CNTN4: variants seen among roughly 807,000 people sequenced by gnomAD.
CNTN4 encodes the protein contactin-4.
A neutral mutation model predicts 122.5 loss-of-function variants in CNTN4; 77 were observed. The ratio of observed to expected loss-of-function variants is 0.63; its 90% CI spans 0.52 to 0.76. The LOEUF is 0.76. CNTN4 is among the 30% of genes least tolerant of loss of function. The pLI is 0.00. For synonymous variants in CNTN4, 512 were observed against 447.0 expected (o/e 1.15, Z -1.83); for missense variants, 1,256 against 1,259.1 (o/e 1.00, Z 0.04).
intron 13 of CNTN4, among the ~76,000 whole-genome samples, chr3:2,945,724 A>G (rs1437115201): frequency 1.3e-5 from 2 of 152,184 alleles, no homozygotes; most frequent in Non-Finnish European, 2.9e-5. Flanking sequence ...TTTATGCAAG[A>G]GGGTCAGTGT....
rs145302434 is a variant in CNTN4, at chr3:2,778,448, C to G, written c.358+32751C>G. On this transcript the variant is annotated intron_variant, in intron 6 of 24. Coordinates refer to ENST00000418658, the MANE Select transcript of CNTN4 (RefSeq NM_175607.3). ...AAAGCAAGTTCTCACCAGAAAATCA[C>G]CTAAGCTCTAAGACCCAAAGCCACT... Among the ~76,000 whole-genome samples, 222 of 145,260 alleles carry G rather than the reference C, an allele frequency of 1.5e-3. 3 individuals are homozygous for G. The East Asian group carries it at 0.038, about 25-fold the overall frequency.
At chr3:2,121,270 C>A (rs757839126) in intron 2 of CNTN4, among the ~76,000 whole-genome samples, 1 of 152,032 alleles carries the variant, frequency 6.6e-6, no homozygotes, top group Non-Finnish European at 1.5e-5. Context: ...GAGGCCGAGG[C>A]GGGCAGATCA....
Position 2,817,877 on chromosome 3 carries a change from C to T in CNTN4, c.359-1609C>T, listed in dbSNP as rs539874967. ...CAGTTTTTAAAATCCTGGTTTAATTCCTTTTGAAGGAATCTCAGACCATTT... is the reference window on the plus strand; with the variant it reads ...CAGTTTTTAAAATCCTGGTTTAATTTCTTTTGAAGGAATCTCAGACCATTT... On this transcript the variant is annotated intron_variant, in intron 6 of 24. Coordinates refer to ENST00000418658, the MANE Select transcript of CNTN4 (RefSeq NM_175607.3). 6.6e-5 allele frequency among the ~76,000 whole-genome samples: 10 copies of T among 152,248 alleles called. No individual in the cohort carries two copies. The South Asian group carries it at 2.1e-3, about 32-fold the overall frequency.
intron 3 of CNTN4, among the ~76,000 whole-genome samples, chr3:2,421,329 T>A (rs1027106614): frequency 6.6e-6 from 1 of 151,112 alleles, no homozygotes; most frequent in African/African-American, 2.4e-5. Context: ...CTCAGCTCAG[T>A]GCAACCTCTA....
rs145420298 is a variant in CNTN4, at chr3:2,184,094, C to T, written c.-145+83455C>T. On this transcript the variant is annotated intron_variant, in intron 2 of 24. Coordinates refer to ENST00000418658, the MANE Select transcript of CNTN4 (RefSeq NM_175607.3). ...TCAAGAGATCCTCCTGCCTCAGCTT[C>T]CTGAGTAGCTGGGACCACTATCACA... is the stretch of plus-strand genomic sequence containing the variant. Among the ~76,000 whole-genome samples, 239 of 152,208 alleles carry T rather than the reference C, an allele frequency of 1.6e-3. 1 individual carries two copies. The highest frequency in any genetic ancestry group is 5.5e-3 in the African/African-American group (228 of 41,516).
chr3:2,697,222 C>G (rs1490042129), intron 4 of CNTN4, among the ~76,000 whole-genome samples: 1 of 152,186 alleles, frequency 6.6e-6, no homozygotes, highest in East Asian at 1.9e-4. Flanking sequence ...GAAAGAGAGC[C>G]TGTAGTATTG....
chr3:2,130,589 T>G (rs2034404492), intron 2 of CNTN4, among the ~76,000 whole-genome samples: 1 of 152,200 alleles, frequency 6.6e-6, no homozygotes, highest in South Asian at 2.1e-4. Flanking sequence ...TTGGCACAAT[T>G]TGCCTATATA....
intron 2 of CNTN4, among the ~76,000 whole-genome samples, chr3:2,221,812 T>C (rs926670767): frequency 6.6e-6 from 1 of 152,122 alleles, no homozygotes; most frequent in East Asian, 1.9e-4. Flanking sequence ...TGATTGGTCA[T>C]CAGGTAAATG....
intron 4 of CNTN4, among the ~76,000 whole-genome samples, chr3:2,671,661 C>A (rs149426558): frequency 6.6e-6 from 1 of 152,122 alleles, no homozygotes; most frequent in Non-Finnish European, 1.5e-5. Flanking sequence ...GGAGGAGAGG[C>A]GCGCTGATTT....
chr3:2,916,761 T>A (rs1324514138), intron 12 of CNTN4, among the ~76,000 whole-genome samples: 4 of 141,978 alleles, frequency 2.8e-5, no homozygotes, highest in Admixed American at 2.1e-4. Flanking sequence ...GGCTCCTCAC[T>A]TCCCAGTAGG....
At chr3:2,374,820 A>G (rs1209657647) in intron 3 of CNTN4, among the ~76,000 whole-genome samples, 1 of 152,248 alleles carries the variant, frequency 6.6e-6, no homozygotes, top group South Asian at 2.1e-4. Context: ...TGAAATGAAG[A>G]TCACATTCTT....
intron 4 of CNTN4, among the ~76,000 whole-genome samples, chr3:2,654,424 C>G (rs775963537): frequency 1.3e-5 from 2 of 152,122 alleles, no homozygotes; most frequent in East Asian, 1.9e-4. Context: ...ATTGAAAAAG[C>G]CCAGACATTT....
chr3:2,537,759 A>G (rs1171500932), intron 3 of CNTN4, among the ~76,000 whole-genome samples: 1 of 152,062 alleles, frequency 6.6e-6, no homozygotes, highest in East Asian at 1.9e-4. Context: ...GCATCCATTT[A>G]TTCATTCATC....
chr3:2,279,609 G>C (rs2149883650), intron 2 of CNTN4, among the ~76,000 whole-genome samples: 1 of 152,246 alleles, frequency 6.6e-6, no homozygotes, highest in African/African-American at 2.4e-5. Context: ...GATTGGTCTT[G>C]AATTAGATAC....
chr3:2,781,372 A>G (rs1335139004), intron 6 of CNTN4, among the ~76,000 whole-genome samples: 1 of 152,244 alleles, frequency 6.6e-6, no homozygotes, highest in African/African-American at 2.4e-5. Flanking sequence ...AGCAAGCATA[A>G]TACTATGCTG....
At chr3:2,473,500 A>C (rs2075753285) in intron 3 of CNTN4, among the ~76,000 whole-genome samples, 1 of 152,230 alleles carries the variant, frequency 6.6e-6, no homozygotes, top group Admixed American at 6.5e-5. Context: ...AAAATCAGAT[A>C]AAATTAAAAT....
chr3:2,969,847 G>A (rs1284797862), intron 13 of CNTN4, among the ~76,000 whole-genome samples: 1 of 152,094 alleles, frequency 6.6e-6, no homozygotes, highest in Admixed American at 6.5e-5. Flanking sequence ...AGGCCACATG[G>A]GAGCATGATG....
intron 8 of CNTN4, among the ~76,000 whole-genome samples, chr3:2,880,162 T>A (rs1232461026): frequency 6.6e-6 from 1 of 152,202 alleles, no homozygotes; most frequent in Non-Finnish European, 1.5e-5. Context: ...TTGGTGGAAT[T>A]TTCATGATCA....
At chr3:2,987,600 C>G (rs531124184) in intron 13 of CNTN4, among the ~76,000 whole-genome samples, 33 of 152,322 alleles carry the variant, frequency 2.2e-4, no homozygotes, top group Non-Finnish European at 4.4e-4. Context: ...CTAAGCCAAG[C>G]TGTGTGTCTT....
Sources: gnomAD v4.1 joint callset for allele counts (sites outside exome capture counted in the v4.1 genomes callset) on GRCh38, gnomAD v4.1.1 for gene constraint, MANE v1.5 for transcripts, NCBI Gene and HGNC (gene_info 2026-07-23, HGNC 2026-07-21) for gene names.